Variants in GRK3 observed in about 807,000 individuals in gnomAD.
GRK3 encodes the protein G protein-coupled receptor kinase 3.
GRK3 carries 54 observed loss-of-function variants against 95.7 expected under a neutral mutation model. That is an observed-to-expected ratio of 0.56 (90% CI 0.45 to 0.71). The LOEUF is 0.71. Ranked by LOEUF, GRK3 falls within the 30% of genes least tolerant of loss-of-function variation. The pLI is 0.00. For missense variants in GRK3, 649 were observed against 851.2 expected (o/e 0.76, Z 2.96); for synonymous variants, 281 against 290.8 (o/e 0.97, Z 0.34).
In GRK3 at chr22:25,727,385, A is replaced by G. The variant is rs1019476198; in HGVS notation, c.*4935A>G. The stretch of plus-strand genomic sequence containing the variant: ...TTCCTCAAGTCACAATGAACTTTAT[A>G]TTTTCTTTGTCCTTAAGGACTAAGA... On this transcript the variant is annotated 3_prime_UTR_variant, in exon 21 of 21. Transcript: ENST00000324198. 6.6e-6 allele frequency: 1 copy of G among 152,120 alleles called. No homozygotes were observed. The allele number at this position is 152,120 out of a possible 1,614,324, so 9.4% of individuals were successfully genotyped here.
At chr22:25,600,238 C>G (rs1338193762) in intron 1 of GRK3, among the ~76,000 whole-genome samples, 1 of 151,764 alleles carries the variant, frequency 6.6e-6, no homozygotes, top group African/African-American at 2.4e-5. Context: ...CGTCCGCCTC[C>G]CAGGTTCAAA....
intron 6 of GRK3, among the ~76,000 whole-genome samples, chr22:25,668,283 A>G (rs1045351276): frequency 6.6e-6 from 1 of 152,236 alleles, no homozygotes; most frequent in Non-Finnish European, 1.5e-5. Flanking sequence ...TACTCAAACT[A>G]TAGATCTACT....
chr22:25,625,296 A>G (rs1418427199), intron 2 of GRK3, among the ~76,000 whole-genome samples: 1 of 152,216 alleles, frequency 6.6e-6, no homozygotes, highest in Non-Finnish European at 1.5e-5. Flanking sequence ...TTCCAATATT[A>G]TAATAATCCT....
rs1408419669 is a variant in GRK3, at chr22:25,726,935, G to GTT, written c.*4486_*4487insTT. 2 of 155,670 alleles carry GTT rather than the reference G, an allele frequency of 1.3e-5. No homozygotes were observed. Among genetic ancestry groups the GTT allele is most frequent in the Non-Finnish European group, 2.8e-5 (2 of 71,306 alleles). 9.6% of individuals were successfully genotyped at this position (155,670 alleles called of 1,614,324 possible). Reference sequence around the variant, plus strand: ...CCCGTGTGTGTGTGTGTGTGTGTGTGTGTGTGTGTGTGTGTGTGTGTGCAC... The same window carrying GTT: ...CCCGTGTGTGTGTGTGTGTGTGTGTGTTTGTGTGTGTGTGTGTGTGTGTGCAC... On this transcript the variant is annotated 3_prime_UTR_variant, in exon 21 of 21. Coordinates refer to ENST00000324198, the MANE Select transcript of GRK3 (RefSeq NM_005160.4).
intron 18 of GRK3, among the ~76,000 whole-genome samples, chr22:25,717,547 T>C (rs991586392): frequency 4.6e-5 from 7 of 152,218 alleles, no homozygotes; most frequent in African/African-American, 1.7e-4. Flanking sequence ...GCCCAGCACC[T>C]GGGCATTCAC....
chr22:25,570,314 C>G (rs549034879), intron 1 of GRK3, among the ~76,000 whole-genome samples: 1 of 152,188 alleles, frequency 6.6e-6, no homozygotes, highest in Non-Finnish European at 1.5e-5. Flanking sequence ...ATCTCACCCC[C>G]CAAGGCCTCA....
chr22:25,708,321 G>A (rs2085316391), intron 15 of GRK3, among the ~76,000 whole-genome samples: 1 of 152,166 alleles, frequency 6.6e-6, no homozygotes, highest in South Asian at 2.1e-4. Context: ...AGGGGTGGCT[G>A]TGAAGCCTGA....
At chr22:25,717,261 C>T (rs928770833) in intron 18 of GRK3, among the ~76,000 whole-genome samples, 6 of 152,058 alleles carry the variant, frequency 3.9e-5, no homozygotes, top group Non-Finnish European at 5.9e-5. Flanking sequence ...CTGGAACCTA[C>T]CCCTTGTGGC....
At chr22:25,644,473 TAA>T in intron 2 of GRK3, 117 bp from the exon 3 acceptor site, 2 of 406,152 alleles carry the variant, frequency 4.9e-6, no homozygotes, top group Non-Finnish European at 4.4e-6. Flanking sequence ...ATCTTTTTTT[TAA>T]AAAAAAAAGT....
In GRK3 at chr22:25,685,233, C is replaced by T; in HGVS notation, c.811C>T (p.Leu271=). ...FHTPDKLCFI[L]DLMNGGDLHY... ...TACCCCAGATAAACTCTGCTTCATC[C>T]TGGATCTGATGAACGGTAAGCAAAA... Residue 271 remains leucine, a synonymous_variant, in exon 10 of 21, where the codon CTG becomes TTG. Transcript: ENST00000324198. 6.2e-7 allele frequency: 1 copy of T among 1,612,568 alleles called. No homozygotes were observed. The highest frequency in any genetic ancestry group is 8.5e-7 in the Non-Finnish European group (1 of 1,178,636).
rs1050315501 is a variant in GRK3, at chr22:25,672,658, C to G, written c.555+311C>G. ...TTACTTAATATAACTCCTTCATGTC[C>G]TTGCCTTCTGCCATTCTGGTAGAGT... is the stretch of plus-strand genomic sequence containing the variant. On this transcript the variant is annotated intron_variant, in intron 7 of 20. Transcript: ENST00000324198. 3.3e-5 allele frequency among the ~76,000 whole-genome samples: 5 copies of G among 152,210 alleles called. No individual in the cohort carries two copies. In the East Asian group the frequency reaches 9.6e-4, roughly 29 times the overall value.
intron 5 of GRK3, among the ~76,000 whole-genome samples, chr22:25,665,342 C>A (rs952717463): frequency 1.3e-5 from 2 of 152,138 alleles, no homozygotes; most frequent in Non-Finnish European, 2.9e-5. Flanking sequence ...ACGTAGACAG[C>A]CTTATGGTCA....
intron 11 of GRK3, 41 bp from the exon 12 acceptor site, chr22:25,690,148 T>C (rs754521288): frequency 1.3e-6 from 2 of 1,498,800 alleles, no homozygotes; most frequent in East Asian, 4.5e-5. Context: ...CTGCATGGCA[T>C]TTGGGGCACT....
rs2085478097 is a variant in GRK3 at position 25,726,883 on chromosome 22, A to C, written c.*4433A>C. 1 of 152,750 alleles carries C rather than the reference A, an allele frequency of 6.5e-6. No individual in the cohort carries two copies. The highest frequency in any genetic ancestry group is 6.6e-5 in the Admixed American group (1 of 15,204). 9.5% of individuals were successfully genotyped at this position (152,750 alleles called of 1,614,324 possible). On this transcript the variant is annotated 3_prime_UTR_variant, in exon 21 of 21. Coordinates refer to ENST00000324198, the MANE Select transcript of GRK3 (RefSeq NM_005160.4). ...GGAGGCACAGGGGACCCAGAGCTAA[A>C]GCATTACCAGGCCATCTCCAAAACA...
At chr22:25,579,907 A>G (rs1932042082) in intron 1 of GRK3, among the ~76,000 whole-genome samples, 1 of 152,244 alleles carries the variant, frequency 6.6e-6, no homozygotes, top group South Asian at 2.1e-4. Flanking sequence ...ATATCGCTAA[A>G]TGAAAGATTG....
intron 1 of GRK3, among the ~76,000 whole-genome samples, chr22:25,568,498 T>G (rs1931571870): frequency 6.6e-6 from 1 of 152,212 alleles, no homozygotes; most frequent in South Asian, 2.1e-4. Flanking sequence ...GATAGGAAGG[T>G]CTGAAACAAC....
At chr22:25,687,984 C>T (rs563929827) in intron 11 of GRK3, among the ~76,000 whole-genome samples, 9 of 152,252 alleles carry the variant, frequency 5.9e-5, no homozygotes, top group Non-Finnish European at 1.0e-4. Flanking sequence ...TGCCTGTAAT[C>T]CCAGCACTTT....
chr22:25,632,970 G>A (rs774249195), intron 2 of GRK3, among the ~76,000 whole-genome samples: 3 of 152,054 alleles, frequency 2.0e-5, no homozygotes, highest in Non-Finnish European at 4.4e-5. Context: ...GAGTGCAGTG[G>A]CGTGATCTTG....
At chr22:25,703,631 C>CCGTCAA (rs2085275372) in intron 14 of GRK3, 55 bp downstream of exon 14, 1 of 1,231,816 alleles carries the variant, frequency 8.1e-7, no homozygotes, top group Non-Finnish European at 1.2e-6. Context: ...ATGCTTCATT[C>CCGTCAA]CGTCAATAAT....
Sources: allele counts gnomAD v4.1 joint callset (sites outside exome capture counted in the v4.1 genomes callset), GRCh38; gene constraint gnomAD v4.1.1; transcripts MANE v1.5; gene names NCBI Gene and HGNC (gene_info 2026-07-23, HGNC 2026-07-21).